ADGRG7: variants seen among roughly 807,000 people sequenced by gnomAD.
ADGRG7 encodes the protein G-protein coupled receptor 128.
A neutral mutation model predicts 88.6 loss-of-function variants in ADGRG7; 82 were observed. The ratio of observed to expected loss-of-function variants is 0.93; its 90% CI spans 0.77 to 1.11. The LOEUF (loss-of-function observed/expected upper bound fraction) is 1.11. ADGRG7 is among the 50% of genes most tolerant of loss of function. The pLI is 0.00. For synonymous variants in ADGRG7, 381 were observed against 345.2 expected (o/e 1.10, Z -1.15); for missense variants, 945 against 953.4 (o/e 0.99, Z 0.12).
intron 15 of ADGRG7, among the ~76,000 whole-genome samples, chr3:100,684,322 G>A (rs1017222406): frequency 2.1e-5 from 3 of 142,336 alleles, no homozygotes; most frequent in African/African-American, 5.2e-5. Flanking sequence ...GGAATGCAGT[G>A]ACACAATCAC....
At chr3:100,691,620 C>A (rs756522676) in intron 15 of ADGRG7, among the ~76,000 whole-genome samples, 4 of 151,592 alleles carry the variant, frequency 2.6e-5, no homozygotes, top group Non-Finnish European at 5.9e-5. Context: ...CTTTACTCAA[C>A]TGTTCCCATG....
chr3:100,673,216 G>C (rs1432329024), intron 15 of ADGRG7, among the ~76,000 whole-genome samples: 8 of 152,012 alleles, frequency 5.3e-5, no homozygotes, highest in Non-Finnish European at 7.4e-5. Flanking sequence ...TTGATTGGTA[G>C]GCTATTAATT....
At chr3:100,639,711 A>G (rs1014997762) in intron 6 of ADGRG7, among the ~76,000 whole-genome samples, 4 of 152,192 alleles carry the variant, frequency 2.6e-5, no homozygotes, top group Non-Finnish European at 5.9e-5. Flanking sequence ...TTGGTGAGAA[A>G]GCTGGGAAAA....
At chr3:100,666,196 G>C (rs1396706502) in intron 14 of ADGRG7, among the ~76,000 whole-genome samples, 3 of 152,130 alleles carry the variant, frequency 2.0e-5, no homozygotes, top group Non-Finnish European at 4.4e-5. Flanking sequence ...GGTGGAATGA[G>C]AGACTTGGAG....
intron 5 of ADGRG7, 47 bp downstream of exon 5, chr3:100,635,873 G>T (rs745706507): frequency 2.5e-5 from 35 of 1,376,014 alleles, no homozygotes; most frequent in Non-Finnish European, 3.2e-5. Flanking sequence ...TATTTTTAGA[G>T]GGGGTGTTGG....
chr3:100,665,350 C>G (rs997988588), intron 14 of ADGRG7: 7 of 540,652 alleles, frequency 1.3e-5, no homozygotes, highest in Non-Finnish European at 2.7e-5. Context: ...TCATCCAGTA[C>G]CACCAGGCGT....
At chr3:100,679,967 T>A (rs1281707631) in intron 15 of ADGRG7, among the ~76,000 whole-genome samples, 1 of 152,234 alleles carries the variant, frequency 6.6e-6, no homozygotes, top group Non-Finnish European at 1.5e-5. Flanking sequence ...ATGTGTATTC[T>A]GTAGTTGTTA....
chr3:100,664,057 TG>T (rs2094948822), intron 14 of ADGRG7, among the ~76,000 whole-genome samples: 1 of 152,108 alleles, frequency 6.6e-6, no homozygotes, highest in South Asian at 2.1e-4. Flanking sequence ...TCGACTGCCA[TG>T]TATTCACCAA....
chr3:100,656,827 A>T lies in ADGRG7; in HGVS notation c.1823+832A>T, dbSNP rs143917526. 3.1e-3 allele frequency among the ~76,000 whole-genome samples: 465 copies of T among 152,258 alleles called. 3 individuals are homozygous for T. The highest frequency in any genetic ancestry group is 0.011 in the African/African-American group (450 of 41,536). On this transcript the variant is annotated intron_variant, in intron 13 of 15. Transcript: ENST00000273352. ...CCCAGGGCTGATCATGCCCAACTGT[A>T]GGCTGGGGAGCTGACTGCCTGGCCT...
At chr3:100,677,717 T>A (rs2094967329) in intron 15 of ADGRG7, among the ~76,000 whole-genome samples, 1 of 152,146 alleles carries the variant, frequency 6.6e-6, no homozygotes, top group East Asian at 1.9e-4. Context: ...TAGAAGTTTT[T>A]CCCTTCATCA....
At chr3:100,634,596 G>T (rs571927225) in intron 4 of ADGRG7, among the ~76,000 whole-genome samples, 4 of 152,260 alleles carry the variant, frequency 2.6e-5, no homozygotes, top group African/African-American at 9.6e-5. Flanking sequence ...AATCACAGAT[G>T]GGCAGGGTAG....
chr3:100,688,487 C>A (rs2094987208), intron 15 of ADGRG7, among the ~76,000 whole-genome samples: 1 of 152,166 alleles, frequency 6.6e-6, no homozygotes, highest in African/African-American at 2.4e-5. Flanking sequence ...CATTTTAGAT[C>A]TTTCCTGCTT....
In ADGRG7 at chr3:100,673,020, T is replaced by TTG. The variant is rs368312710; in HGVS notation, c.2136+3929_2136+3930dup. Among the ~76,000 whole-genome samples the TTG allele has an allele frequency of 4.1e-3, 623 of 151,998 alleles. 7 individuals are homozygous for TTG. The highest frequency in any genetic ancestry group is 0.014 in the African/African-American group (582 of 41,470). On this transcript the variant is annotated intron_variant, in intron 15 of 15. Coordinates refer to ENST00000273352, the MANE Select transcript of ADGRG7 (RefSeq NM_032787.3). Reference sequence around the variant, plus strand: ...CAGGGATACTGGCCTGAAATTTTTTTTGTGTGTGTGTGTGTCTCTGCTAGG... The same window carrying TTG: ...CAGGGATACTGGCCTGAAATTTTTTTTGTGTGTGTGTGTGTGTCTCTGCTAGG...
intron 6 of ADGRG7, among the ~76,000 whole-genome samples, chr3:100,637,804 T>TTC (rs1194272136): frequency 6.6e-6 from 1 of 152,236 alleles, no homozygotes; most frequent in African/African-American, 2.4e-5. Context: ...TGCACCTCAC[T>TTC]TCTCTCTTTC....
At chr3:100,664,482 A>T (rs1196643486) in intron 14 of ADGRG7, among the ~76,000 whole-genome samples, 3 of 152,158 alleles carry the variant, frequency 2.0e-5, no homozygotes, top group Admixed American at 2.0e-4. Flanking sequence ...TTAGTGATTG[A>T]TGAACATAGT....
chr3:100,626,654 A>G lies in ADGRG7; in HGVS notation c.116-2944A>G, dbSNP rs994388662. On this transcript the variant is annotated intron_variant, in intron 1 of 15. Transcript: ENST00000273352. ...ACAAAAATTAGCTGGGCATGGTGGC[A>G]TGTGCCCGTAGTCCCAGCTACTCGG... 2.6e-5 allele frequency among the ~76,000 whole-genome samples: 4 copies of G among 152,234 alleles called. No individual in the cohort carries two copies. In the East Asian group the frequency reaches 5.8e-4, roughly 22 times the overall value.
Position 100,624,030 on chromosome 3 carries a change from T to C in ADGRG7, c.116-5568T>C, listed in dbSNP as rs1395330400. Reference sequence around the variant, plus strand: ...AAACATATGGGTTCATGTGTCTTTATAGTGGAATGATGAGTATATACCCAC... The same window carrying C: ...AAACATATGGGTTCATGTGTCTTTACAGTGGAATGATGAGTATATACCCAC... On this transcript the variant is annotated intron_variant, in intron 1 of 15. Transcript: ENST00000273352. 2.6e-5 allele frequency among the ~76,000 whole-genome samples: 4 copies of C among 152,304 alleles called. No homozygotes were observed. The South Asian group carries it at 8.3e-4, about 32-fold the overall frequency.
intron 13 of ADGRG7, among the ~76,000 whole-genome samples, chr3:100,658,382 A>G (rs925884101): frequency 2.0e-5 from 3 of 152,176 alleles, no homozygotes; most frequent in Admixed American, 2.0e-4. Flanking sequence ...ACTTTTGCTC[A>G]TGCTGTTCTC....
At chr3:100,611,944 T>C (rs1346530417) in intron 1 of ADGRG7, among the ~76,000 whole-genome samples, 1 of 152,200 alleles carries the variant, frequency 6.6e-6, no homozygotes, top group Non-Finnish European at 1.5e-5. Context: ...GGTTCCTTTA[T>C]TCAGGTATAG....
Sources: gnomAD v4.1 joint callset for allele counts (sites outside exome capture counted in the v4.1 genomes callset) on GRCh38, gnomAD v4.1.1 for gene constraint, MANE v1.5 for transcripts, NCBI Gene and HGNC (gene_info 2026-07-23, HGNC 2026-07-21) for gene names.